DDX46: variants seen among roughly 807,000 people sequenced by gnomAD.
DDX46 encodes DEAD-box helicase 46, also known as probable ATP-dependent RNA helicase DDX46.
Under a neutral mutation model 134.9 loss-of-function variants are expected in DDX46, and 30 were observed. The observed-to-expected ratio is 0.22, with a 90% CI of 0.17 to 0.30. DDX46 has a LOEUF of 0.30. Ranked by LOEUF, DDX46 falls within the 10% of genes least tolerant of loss-of-function variation. The probability of loss-of-function intolerance (pLI) is 1.00; values close to 1 mark genes in which losing one functional copy is unlikely to be tolerated. For missense variants in DDX46, 622 were observed against 1,248.7 expected, an observed-to-expected ratio of 0.50 and a Z score of 7.56; for synonymous variants, 415 against 404.1, an observed-to-expected ratio of 1.03 and a Z score of -0.32.
chr5:134,786,276 A>G (rs142985231), intron 11 of DDX46, among the ~76,000 whole-genome samples: 4 of 152,156 alleles, frequency 2.6e-5, no homozygotes, highest in Non-Finnish European at 4.4e-5. Flanking sequence ...AAATATATAT[A>G]ATTTTTGTTA....
chr5:134,763,068 A>AAT (rs1561848366), intron 1 of DDX46, among the ~76,000 whole-genome samples: 1 of 151,776 alleles, frequency 6.6e-6, no homozygotes, highest in Non-Finnish European at 1.5e-5. Flanking sequence ...CAAAAAAAAA[A>AAT]AATAATAATA....
At chr5:134,770,474 A>T (rs1411628696) in intron 3 of DDX46, among the ~76,000 whole-genome samples, 1 of 152,086 alleles carries the variant, frequency 6.6e-6, no homozygotes, top group Non-Finnish European at 1.5e-5. Flanking sequence ...TTGGCTTCCC[A>T]AAGTGCTGGG....
intron 12 of DDX46, chr5:134,790,044 T>C (rs1223752147): frequency 2.7e-5 from 12 of 449,140 alleles, no homozygotes; most frequent in Non-Finnish European, 4.5e-5. Context: ...GTGTCTAAAA[T>C]AGTTAGCACT....
At chr5:134,769,181 T>A (rs1312215990) in intron 3 of DDX46, among the ~76,000 whole-genome samples, 1 of 152,142 alleles carries the variant, frequency 6.6e-6, no homozygotes, top group African/African-American at 2.4e-5. Context: ...TGTTTCTTCA[T>A]TTATCACATT....
At chr5:134,770,816 C>CAAAAA in intron 3 of DDX46, 87 bp from the exon 4 acceptor site, 5 of 913,862 alleles carry the variant, frequency 5.5e-6, no homozygotes, top group South Asian at 1.8e-5. Context: ...GACACTGTCT[C>CAAAAA]AAAAAAAAAA....
chr5:134,797,192 A>AC, intron 15 of DDX46: 1 of 291,336 alleles, frequency 3.4e-6, no homozygotes, highest in Non-Finnish European at 6.5e-6. Flanking sequence ...AAAAAAAAAA[A>AC]AAAAACACAA....
intron 18 of DDX46, among the ~76,000 whole-genome samples, chr5:134,815,620 T>C (rs1755264998): frequency 7.3e-6 from 1 of 136,184 alleles, no homozygotes; most frequent in Admixed American, 8.6e-5. Context: ...GGCAGAAGAA[T>C]GGCGTGAACC....
At chr5:134,772,422 T>C (rs1753801722) in intron 4 of DDX46, among the ~76,000 whole-genome samples, 1 of 151,062 alleles carries the variant, frequency 6.6e-6, no homozygotes, top group African/African-American at 2.4e-5. Context: ...CTCGGGAGGC[T>C]GAGATAGGAG....
At chr5:134,806,387 G>T (rs995042880) in intron 15 of DDX46, among the ~76,000 whole-genome samples, 1 of 152,058 alleles carries the variant, frequency 6.6e-6, no homozygotes, top group African/African-American at 2.4e-5. Context: ...AAGGAAGGGG[G>T]TTCATGGTTT....
chr5:134,781,042 G>T, intron 6 of DDX46, 91 bp from the exon 7 acceptor site: 1 of 899,014 alleles, frequency 1.1e-6, no homozygotes. Context: ...AAAAACTAAA[G>T]ATGAAATTGT....
At position 134,797,519 on chromosome 5, in the gene DDX46, C is replaced by T. The variant is rs971515850; in HGVS notation, c.1954+1369C>T. ...TGGGCCTCTCTATGAGGCTGCTTGG[C>T]CAAGAGGAAAGAACAAGAAGCTGCC... On this transcript the variant is annotated intron_variant, in intron 15 of 22. Coordinates refer to ENST00000452510, the MANE Select transcript of DDX46 (RefSeq NM_001300860.2). Among the ~76,000 whole-genome samples, 3 of 152,016 alleles carry T rather than the reference C, an allele frequency of 2.0e-5. No homozygotes were observed. In the South Asian group the frequency reaches 6.2e-4, roughly 32 times the overall value.
intron 18 of DDX46, among the ~76,000 whole-genome samples, chr5:134,815,988 T>C (rs1435407425): frequency 6.6e-6 from 1 of 152,194 alleles, no homozygotes; most frequent in African/African-American, 2.4e-5. Context: ...GACTATATTT[T>C]TAGTAGGCCA....
intron 13 of DDX46, among the ~76,000 whole-genome samples, chr5:134,794,247 T>C (rs1023905190): frequency 5.3e-5 from 8 of 152,146 alleles, no homozygotes; most frequent in African/African-American, 1.7e-4. Flanking sequence ...CTGCCTGCTG[T>C]TGGGCTGTAT....
chr5:134,802,221 A>G (rs1466518212), intron 15 of DDX46, among the ~76,000 whole-genome samples: 2 of 137,786 alleles, frequency 1.5e-5, no homozygotes, highest in African/African-American at 2.8e-5. Flanking sequence ...CTAAAGTGCA[A>G]TGGCACTATC....
chr5:134,801,363 G>T (rs545671258), intron 15 of DDX46, among the ~76,000 whole-genome samples: 2 of 151,974 alleles, frequency 1.3e-5, no homozygotes, highest in South Asian at 4.2e-4. Flanking sequence ...ACTTTGATAT[G>T]CATCCAAGTT....
At chr5:134,817,323 A>C (rs1755311722) in intron 19 of DDX46, 173 bp from the exon 20 acceptor site, 2 of 624,102 alleles carry the variant, frequency 3.2e-6, no homozygotes, top group Non-Finnish European at 5.3e-6. Flanking sequence ...ATTAAACTAC[A>C]TTATAAATAT....
intron 2 of DDX46, among the ~76,000 whole-genome samples, chr5:134,765,047 C>T (rs1186789360): frequency 2.0e-5 from 3 of 151,268 alleles, no homozygotes; most frequent in Admixed American, 1.3e-4. Flanking sequence ...AACTAAAGAG[C>T]GCCTTAATCT....
At chr5:134,815,631 T>A (rs1755265510) in intron 18 of DDX46, among the ~76,000 whole-genome samples, 1 of 128,418 alleles carries the variant, frequency 7.8e-6, no homozygotes, top group Admixed American at 1.0e-4. Context: ...GGCGTGAACC[T>A]GGGAGGCGGA....
intron 15 of DDX46, among the ~76,000 whole-genome samples, chr5:134,807,476 A>T (rs2150154715): frequency 6.6e-6 from 1 of 152,316 alleles, no homozygotes; most frequent in Non-Finnish European, 1.5e-5. Context: ...TTTGGCTCCC[A>T]AACAGGTTTA....
Sources: gnomAD v4.1 joint callset for allele counts (sites outside exome capture counted in the v4.1 genomes callset) on GRCh38, gnomAD v4.1.1 for gene constraint, MANE v1.5 for transcripts, NCBI Gene and HGNC (gene_info 2026-07-23, HGNC 2026-07-21) for gene names.